COA1: variants seen among roughly 807,000 people sequenced by gnomAD.
COA1 encodes cytochrome c oxidase assembly factor 1 homolog.
In COA1, 13 loss-of-function variants were observed where a neutral mutation model predicts 16.0. The ratio of observed to expected loss-of-function variants is 0.81; its 90% CI spans 0.53 to 1.29. COA1 has a LOEUF of 1.29. Among genes scored for constraint, COA1 ranks in the 50% most tolerant of loss-of-function variants. COA1 has a pLI of 0.00. For synonymous variants in COA1, 65 were observed against 65.7 expected, an observed-to-expected ratio of 0.99 and a Z score of 0.05; for missense variants, 179 against 177.0, an observed-to-expected ratio of 1.01 and a Z score of -0.06.
chr7:43,724,631 C>A (rs2095576749), intron 1 of COA1, among the ~76,000 whole-genome samples: 1 of 151,746 alleles, frequency 6.6e-6, no homozygotes, highest in African/African-American at 2.4e-5. Flanking sequence ...TTCACAATAG[C>A]CAAAAGGTGG....
At chr7:43,693,365 T>G (rs1450520082) in intron 1 of COA1, among the ~76,000 whole-genome samples, 1 of 152,204 alleles carries the variant, frequency 6.6e-6, no homozygotes, top group East Asian at 1.9e-4. Flanking sequence ...AACATTGTTC[T>G]TGTCAAATGC....
At position 43,639,684 on chromosome 7, in the gene COA1, G is replaced by C; in HGVS notation, c.342-3C>G. On this transcript the variant is annotated splice_region_variant and splice_polypyrimidine_tract_variant and intron_variant, in intron 5 of 5. Transcript: ENST00000223336. The stretch of plus-strand genomic sequence containing the variant: ...AAAAGACCTCGTCAAGGTGCCACCT[G>C]AGAGAAACCAAAAGTATAGTATCTC... The C allele has an allele frequency of 6.2e-7, 1 of 1,611,184 alleles. No homozygotes were observed. The highest frequency in any genetic ancestry group is 8.5e-7 in the Non-Finnish European group (1 of 1,177,434).
At chr7:43,692,929 A>G (rs1410857693) in intron 1 of COA1, among the ~76,000 whole-genome samples, 1 of 152,128 alleles carries the variant, frequency 6.6e-6, no homozygotes, top group Non-Finnish European at 1.5e-5. Context: ...ATGTAATGGC[A>G]TATTATAATC....
At chr7:43,635,257 A>G (rs1414604841), downstream of COA1, among the ~76,000 whole-genome samples, 1 of 152,210 alleles carries the variant, frequency 6.6e-6, no homozygotes, top group African/African-American at 2.4e-5. Context: ...GCCATGTCTT[A>G]GGTTAAAATA....
intron 4 of COA1, among the ~76,000 whole-genome samples, chr7:43,643,659 C>T (rs2087834874): frequency 6.6e-6 from 1 of 152,216 alleles, no homozygotes; most frequent in African/African-American, 2.4e-5. Context: ...TTGGATGCCA[C>T]GATGGCTTCA....
At chr7:43,608,991 A>G (rs1290555230) in exon 7 of COA1, 1 of 152,358 alleles carries the variant, frequency 6.6e-6, no homozygotes, top group Non-Finnish European at 1.5e-5. Flanking sequence ...GAGGAAGGAA[A>G]GAAAAACAAA....
At chr7:43,695,287 C>A (rs1337809743) in intron 1 of COA1, among the ~76,000 whole-genome samples, 1 of 152,022 alleles carries the variant, frequency 6.6e-6, no homozygotes, top group Non-Finnish European at 1.5e-5. Flanking sequence ...TTTACTATGG[C>A]CTCTCTATTG....
chr7:43,634,598 G>A (rs1476187814), downstream of COA1, among the ~76,000 whole-genome samples: 1 of 152,176 alleles, frequency 6.6e-6, no homozygotes, highest in Non-Finnish European at 1.5e-5. Context: ...CTCTCTGCTG[G>A]GCTAGCTCTG....
At chr7:43,672,947 A>T (rs2093344776) in intron 1 of COA1, among the ~76,000 whole-genome samples, 1 of 152,188 alleles carries the variant, frequency 6.6e-6, no homozygotes, top group East Asian at 1.9e-4. Context: ...ATGGTGCTGA[A>T]ATAATGGGCT....
chr7:43,625,186 C>T (rs1044217), intron 6 of COA1: 132,506 of 189,902 alleles, frequency 0.7, 46,933 homozygotes, highest in African/African-American at 0.84. Flanking sequence ...CAAAACTACA[C>T]TTCTGTAAAT....
chr7:43,688,059 C>T (rs2094119972), intron 1 of COA1, among the ~76,000 whole-genome samples: 1 of 152,190 alleles, frequency 6.6e-6, no homozygotes, highest in African/African-American at 2.4e-5. Flanking sequence ...CTTGCCATCA[C>T]CATGTAAGAA....
At chr7:43,645,108 AC>A (rs1187871677) in intron 4 of COA1, 142 bp downstream of exon 4, 3 of 442,372 alleles carry the variant, frequency 6.8e-6, no homozygotes, top group Non-Finnish European at 1.2e-5. Context: ...TAATAGAAAA[AC>A]TTTTTTTAAA....
At chr7:43,676,477 G>C (rs2093522722) in intron 1 of COA1, among the ~76,000 whole-genome samples, 1 of 152,170 alleles carries the variant, frequency 6.6e-6, no homozygotes, top group African/African-American at 2.4e-5. Context: ...AAGACATTAA[G>C]TGCAATAGGC....
chr7:43,688,634 TA>T (rs139018269), intron 1 of COA1, among the ~76,000 whole-genome samples: 3,405 of 149,136 alleles, frequency 0.023, 107 homozygotes, highest in African/African-American at 0.077. Flanking sequence ...TGTATCCTCA[TA>T]AAAAAAAAAT....
intron 1 of COA1, among the ~76,000 whole-genome samples, chr7:43,666,232 G>A (rs953812700): frequency 6.6e-6 from 1 of 152,134 alleles, no homozygotes; most frequent in Non-Finnish European, 1.5e-5. Flanking sequence ...AATTGGCTTT[G>A]GGTTGCCTTG....
chr7:43,709,226 C>T (rs1379190436), intron 1 of COA1, among the ~76,000 whole-genome samples: 1 of 151,902 alleles, frequency 6.6e-6, no homozygotes, highest in Non-Finnish European at 1.5e-5. Context: ...CGGGGTTTCA[C>T]CATGTTAGCC....
chr7:43,635,274 G>A (rs1037411845), downstream of COA1, among the ~76,000 whole-genome samples: 2 of 152,120 alleles, frequency 1.3e-5, no homozygotes, highest in Non-Finnish European at 2.9e-5. Flanking sequence ...AATAATTCCA[G>A]GATTTCCCGA....
intron 6 of COA1, chr7:43,625,907 A>C (rs1055515544): frequency 6.6e-6 from 1 of 152,164 alleles, no homozygotes; most frequent in African/African-American, 2.4e-5. Context: ...TACATTGGAT[A>C]CTCTGTAAGT....
At chr7:43,671,486 T>C (rs1417969410) in intron 1 of COA1, among the ~76,000 whole-genome samples, 1 of 151,016 alleles carries the variant, frequency 6.6e-6, no homozygotes, top group East Asian at 1.9e-4. Flanking sequence ...CACGAAAAAA[T>C]AAAGAAGGTA....
Sources: gnomAD v4.1 joint callset for allele counts (sites outside exome capture counted in the v4.1 genomes callset) on GRCh38, gnomAD v4.1.1 for gene constraint, MANE v1.5 for transcripts, NCBI Gene and HGNC (gene_info 2026-07-23, HGNC 2026-07-21) for gene names.